CCDC3: variants seen among roughly 807,000 people sequenced by gnomAD.
CCDC3 encodes coiled-coil domain-containing protein 3.
Under a neutral mutation model 21.4 loss-of-function variants are expected in CCDC3, and 24 were observed. The ratio of observed to expected loss-of-function variants is 1.12; its 90% CI spans 0.81 to 1.58. The LOEUF (loss-of-function observed/expected upper bound fraction) is 1.58. Ranked by LOEUF, CCDC3 falls within the 40% of genes most tolerant of loss-of-function variation. The pLI is 0.00. For synonymous variants in CCDC3, 186 were observed against 166.0 expected (o/e 1.12, Z -0.93); for missense variants, 425 against 360.9 (o/e 1.18, Z -1.44).
At chr10:13,042,035 G>C (rs1055542959) in intron 5 of CCDC3, among the ~76,000 whole-genome samples, 1 of 152,178 alleles carries the variant, frequency 6.6e-6, no homozygotes, top group African/African-American at 2.4e-5. Flanking sequence ...GATCCCAGAC[G>C]CTTTGGCCTC....
intron 2 of CCDC3, among the ~76,000 whole-genome samples, chr10:12,940,226 A>ATTT (rs869179471): frequency 1.9e-5 from 2 of 107,000 alleles, no homozygotes; most frequent in African/African-American, 6.9e-5. Context: ...AATCATTGAA[A>ATTT]TTGTTTTTTT....
chr10:13,051,354 G>GA (rs1836605312), intron 4 of CCDC3, among the ~76,000 whole-genome samples: 2 of 152,196 alleles, frequency 1.3e-5, no homozygotes, highest in African/African-American at 4.8e-5. Context: ...AGGTATGGCA[G>GA]GAAGATTGAG....
chr10:12,970,852 T>C (rs1192324990), intron 2 of CCDC3, among the ~76,000 whole-genome samples: 1 of 150,656 alleles, frequency 6.6e-6, no homozygotes, highest in Non-Finnish European at 1.5e-5. Flanking sequence ...ATCGCATCAC[T>C]GCATTCTAGC....
At chr10:13,087,451 G>A (rs1676453194) in intron 3 of CCDC3, among the ~76,000 whole-genome samples, 1 of 151,390 alleles carries the variant, frequency 6.6e-6, no homozygotes, top group Admixed American at 6.6e-5. Flanking sequence ...ACGATATCTG[G>A]CCCACCCTCT....
At chr10:13,023,319 T>C (rs957980654) in intron 5 of CCDC3, among the ~76,000 whole-genome samples, 1 of 151,670 alleles carries the variant, frequency 6.6e-6, no homozygotes, top group African/African-American at 2.4e-5. Flanking sequence ...CTGTTTCACT[T>C]GTAGTCTGGA....
intron 2 of CCDC3, among the ~76,000 whole-genome samples, chr10:12,920,921 A>G (rs1194255939): frequency 6.6e-6 from 1 of 152,192 alleles, no homozygotes; most frequent in Admixed American, 6.5e-5. Context: ...TTCAAATAAG[A>G]AGATTTATTT....
At chr10:12,938,640 C>A (rs1252034786) in intron 2 of CCDC3, among the ~76,000 whole-genome samples, 1 of 152,224 alleles carries the variant, frequency 6.6e-6, no homozygotes, top group Non-Finnish European at 1.5e-5. Context: ...AGTTAATGTG[C>A]AAAATACAGA....
At position 13,073,793 on chromosome 10, in the gene CCDC3, A is replaced by T. The variant is rs1480123448; in HGVS notation, c.-270+75T>A. ...TGAGCCACGGTGGCCTGCCCAAGAC[A>T]TTTTTTTTAAATGAGAGATTTTAAA... On this transcript the variant is annotated intron_variant, in intron 4 of 6. Coordinates refer to the CCDC3 transcript ENST00000378839. The T allele has an allele frequency of 2.0e-5, 3 of 151,802 alleles. No homozygotes were observed. In the East Asian group the frequency reaches 5.8e-4, roughly 29 times the overall value. The allele number at this position is 151,802 out of a possible 1,614,324, so 9.4% of individuals were successfully genotyped here.
chr10:13,068,381 C>T (rs950598502), intron 4 of CCDC3, among the ~76,000 whole-genome samples: 1 of 152,000 alleles, frequency 6.6e-6, no homozygotes, highest in Non-Finnish European at 1.5e-5. Context: ...ACTTCATTGA[C>T]TTAAAAGAGG....
At chr10:13,076,722 T>C (rs913601644) in intron 3 of CCDC3, among the ~76,000 whole-genome samples, 1 of 152,184 alleles carries the variant, frequency 6.6e-6, no homozygotes, top group African/African-American at 2.4e-5. Context: ...CTATGCCCCT[T>C]CCTTATTTGG....
At chr10:13,006,029 A>G (rs1480971331), upstream of CCDC3, among the ~76,000 whole-genome samples, 3 of 152,072 alleles carry the variant, frequency 2.0e-5, no homozygotes, top group African/African-American at 4.8e-5. Context: ...TGTGGGGCCT[A>G]TCTCCCACCT....
intron 2 of CCDC3, among the ~76,000 whole-genome samples, chr10:12,943,111 C>T (rs770448811): frequency 1.2e-4 from 18 of 152,046 alleles, no homozygotes; most frequent in South Asian, 2.1e-4. Context: ...TTGGCTTAAG[C>T]GCTTATATAA....
intron 2 of CCDC3, among the ~76,000 whole-genome samples, chr10:12,949,235 A>G (rs557804433): frequency 8.5e-5 from 13 of 152,290 alleles, no homozygotes; most frequent in African/African-American, 3.1e-4. Flanking sequence ...GGGAATAAAG[A>G]CCACATATCC....
chr10:12,936,312 C>T (rs79174069), intron 2 of CCDC3, among the ~76,000 whole-genome samples: 108 of 152,204 alleles, frequency 7.1e-4, no homozygotes, highest in African/African-American at 2.4e-3. Context: ...AAGTTGGATA[C>T]ACTTCTTATA....
intron 5 of CCDC3, among the ~76,000 whole-genome samples, chr10:13,036,965 T>G (rs977306213): frequency 1.3e-5 from 2 of 151,720 alleles, no homozygotes; most frequent in African/African-American, 4.8e-5. Context: ...GTTTATTTTT[T>G]GTAGAGATAG....
intron 2 of CCDC3, among the ~76,000 whole-genome samples, chr10:12,922,086 A>G (rs1441877572): frequency 2.6e-5 from 4 of 152,018 alleles, no homozygotes; most frequent in African/African-American, 4.8e-5. Context: ...TTCACGTTAT[A>G]CAAACATTAC....
chr10:12,964,619 C>T (rs894694039), intron 2 of CCDC3, among the ~76,000 whole-genome samples: 1 of 152,160 alleles, frequency 6.6e-6, no homozygotes, highest in Non-Finnish European at 1.5e-5. Flanking sequence ...CTACCACTAC[C>T]TTTGCTTTCT....
chr10:13,022,587 T>C (rs1364130608), intron 5 of CCDC3, among the ~76,000 whole-genome samples: 2 of 152,128 alleles, frequency 1.3e-5, no homozygotes, highest in Non-Finnish European at 2.9e-5. Context: ...TAATTTAAAG[T>C]AATGGCAAAA....
intron 2 of CCDC3, among the ~76,000 whole-genome samples, chr10:12,971,651 C>T (rs1835345635): frequency 6.6e-6 from 1 of 152,160 alleles, no homozygotes; most frequent in African/African-American, 2.4e-5. Context: ...GGTGTGTTCC[C>T]TCTTCTGGTC....
Sources: gnomAD v4.1 joint callset for allele counts (sites outside exome capture counted in the v4.1 genomes callset) on GRCh38, gnomAD v4.1.1 for gene constraint, MANE v1.5 for transcripts, NCBI Gene and HGNC (gene_info 2026-07-23, HGNC 2026-07-21) for gene names.